The following SLC16A7 variants were observed in gnomAD, a reference collection of about 807,000 sequenced individuals.
The protein encoded by SLC16A7 is solute carrier family 16 member 7, also known as monocarboxylate transporter 2.
A neutral mutation model predicts 34.9 loss-of-function variants in SLC16A7; 33 were observed. The observed-to-expected ratio is 0.94, with a 90% CI of 0.72 to 1.26. The LOEUF (loss-of-function observed/expected upper bound fraction) is 1.26, where lower values mean the gene tolerates loss of function less well. Ranked by LOEUF, SLC16A7 falls within the 50% of genes most tolerant of loss-of-function variation. SLC16A7 has a pLI of 0.00. For missense variants in SLC16A7, 573 were observed against 578.1 expected (o/e 0.99, Z 0.09); for synonymous variants, 201 against 206.6 (o/e 0.97, Z 0.23).
chr12:59,763,771 G>A (rs543369953), intron 3 of SLC16A7, among the ~76,000 whole-genome samples: 41 of 152,084 alleles, frequency 2.7e-4, no homozygotes, highest in African/African-American at 9.4e-4. Context: ...GTCACATTTT[G>A]GTAATTCTCA....
intron 2 of SLC16A7, among the ~76,000 whole-genome samples, chr12:59,670,427 A>G (rs1869583672): frequency 6.6e-6 from 1 of 151,992 alleles, no homozygotes; most frequent in African/African-American, 2.4e-5. Flanking sequence ...CCCCCCACCA[A>G]ATTTAAGTCC....
intron 3 of SLC16A7, among the ~76,000 whole-genome samples, chr12:59,738,435 C>G (rs1877859215): frequency 6.6e-6 from 1 of 152,084 alleles, no homozygotes; most frequent in Non-Finnish European, 1.5e-5. Flanking sequence ...TCTCATGGAC[C>G]AATAACAAGA....
In SLC16A7 at chr12:59,738,845, G is replaced by C. The variant is rs59673530; in HGVS notation, c.218-32374G>C. On this transcript the variant is annotated intron_variant, in intron 3 of 5. Transcript: ENST00000547379. ...ATCCTCAAAGATTTTTTTTTTTTTA[G>C]TTTACATTTTTATTAAGGTCTTCAT... Among the ~76,000 whole-genome samples, 276 of 148,910 alleles carry C rather than the reference G, an allele frequency of 1.9e-3. 2 individuals are homozygous for C. Among genetic ancestry groups the C allele is most frequent in the African/African-American group, 5.8e-3 (237 of 40,616 alleles).
Position 59,774,773 on chromosome 12 carries a change from T to C in SLC16A7, c.478T>C (p.Ser160Pro). 1 of 1,613,966 alleles carries C rather than the reference T, an allele frequency of 6.2e-7. No homozygotes were observed. The highest frequency in any genetic ancestry group is 8.5e-7 in the Non-Finnish European group (1 of 1,179,930). The change falls in exon 5 of 6, where the codon TCA (serine) becomes CCA (proline). Residue 160 changes from serine to proline, a missense_variant. Physicochemically the swap from Ser to Pro is moderately conservative, Grantham distance 74. Coordinates refer to ENST00000547379, the MANE Select transcript of SLC16A7 (RefSeq NM_001270623.2). ...GGCAGGAAGTCCTGTTTTCTTAAGT[T>C]CATTGGCTCCTTTCAATCAGTACCT... The part of the protein sequence containing the change: ...AMAGSPVFLS[S>P]LAPFNQYLFN...
At chr12:59,665,232 C>T (rs1263361379) in intron 2 of SLC16A7, among the ~76,000 whole-genome samples, 1 of 151,856 alleles carries the variant, frequency 6.6e-6, no homozygotes, top group Middle Eastern at 3.2e-3. Context: ...ATGTATTAAT[C>T]ATAATTATTT....
chr12:59,733,776 G>A (rs1207192825), intron 3 of SLC16A7: 5 of 455,918 alleles, frequency 1.1e-5, no homozygotes, highest in Non-Finnish European at 2.2e-5. Context: ...ACCGGAGAGC[G>A]AGCAAGGCAG....
At chr12:59,628,531 A>G (rs926581765) in intron 1 of SLC16A7, among the ~76,000 whole-genome samples, 6 of 151,896 alleles carry the variant, frequency 4.0e-5, no homozygotes, top group African/African-American at 1.2e-4. Flanking sequence ...GCTTTCATAG[A>G]GCCGTAAACA....
chr12:59,615,009 T>A (rs892450483), intron 1 of SLC16A7, among the ~76,000 whole-genome samples: 1 of 150,388 alleles, frequency 6.6e-6, no homozygotes, highest in Middle Eastern at 3.4e-3. Flanking sequence ...TCTCAAAAAA[T>A]AAATAAATAA....
chr12:59,605,473 C>T (rs1377128464), intron 1 of SLC16A7, among the ~76,000 whole-genome samples: 3 of 152,108 alleles, frequency 2.0e-5, no homozygotes, highest in Admixed American at 1.3e-4. Context: ...CTGGAGAATT[C>T]TCATAGATGG....
chr12:59,599,901 A>G (rs756201835), intron 1 of SLC16A7, among the ~76,000 whole-genome samples: 1 of 152,182 alleles, frequency 6.6e-6, no homozygotes, highest in African/African-American at 2.4e-5. Context: ...CCTGGGCTAC[A>G]TGGTCTTTGA....
intron 2 of SLC16A7, among the ~76,000 whole-genome samples, chr12:59,667,929 A>G (rs373136699): frequency 1.3e-5 from 2 of 152,202 alleles, no homozygotes; most frequent in East Asian, 1.9e-4. Context: ...AGGTATAGCT[A>G]TATAGCTAGG....
At chr12:59,684,383 T>A (rs377385371) in intron 2 of SLC16A7, among the ~76,000 whole-genome samples, 3 of 152,208 alleles carry the variant, frequency 2.0e-5, no homozygotes, top group African/African-American at 7.2e-5. Flanking sequence ...GGTTTTCTGA[T>A]AGAAGGTAGA....
At chr12:59,698,773 A>G (rs1471885117) in intron 2 of SLC16A7, among the ~76,000 whole-genome samples, 4 of 151,760 alleles carry the variant, frequency 2.6e-5, no homozygotes, top group Admixed American at 1.3e-4. Context: ...ATGCCAAACC[A>G]TGGATGCTCT....
intron 3 of SLC16A7, among the ~76,000 whole-genome samples, chr12:59,726,539 G>A (rs979039472): frequency 1.1e-4 from 17 of 152,128 alleles, no homozygotes; most frequent in African/African-American, 4.1e-4. Flanking sequence ...TACTGCTCTT[G>A]GATATTGAAT....
At chr12:59,753,246 C>G (rs1879825978) in intron 3 of SLC16A7, among the ~76,000 whole-genome samples, 1 of 152,172 alleles carries the variant, frequency 6.6e-6, no homozygotes, top group Non-Finnish European at 1.5e-5. Flanking sequence ...ATCAAATTCA[C>G]ACATAACAGT....
intron 1 of SLC16A7, among the ~76,000 whole-genome samples, chr12:59,636,806 C>T (rs749471055): frequency 4.6e-5 from 7 of 152,088 alleles, no homozygotes; most frequent in Non-Finnish European, 1.0e-4. Context: ...TTATGTAGTG[C>T]TGGGCACACT....
At chr12:59,680,154 T>C (rs931026104) in intron 2 of SLC16A7, among the ~76,000 whole-genome samples, 1 of 152,132 alleles carries the variant, frequency 6.6e-6, no homozygotes, top group Admixed American at 6.5e-5. Context: ...ATAGAACTTT[T>C]ACAGAGAATA....
intron 4 of SLC16A7, among the ~76,000 whole-genome samples, chr12:59,773,351 A>G (rs531865916): frequency 1.3e-5 from 2 of 152,204 alleles, no homozygotes; most frequent in East Asian, 3.9e-4. Flanking sequence ...TACTTATAGA[A>G]AATGTCTGTA....
chr12:59,767,641 C>T (rs1881799452), intron 3 of SLC16A7, among the ~76,000 whole-genome samples: 1 of 152,088 alleles, frequency 6.6e-6, no homozygotes, highest in African/African-American at 2.4e-5. Flanking sequence ...TTTAAGCCCA[C>T]TGTTGAGACC....
Sources: gnomAD v4.1 joint callset for allele counts (sites outside exome capture counted in the v4.1 genomes callset) on GRCh38, gnomAD v4.1.1 for gene constraint, MANE v1.5 for transcripts, NCBI Gene and HGNC (gene_info 2026-07-23, HGNC 2026-07-21) for gene names.